The following MS4A12 variants were observed in gnomAD, a reference collection of about 807,000 sequenced individuals.
MS4A12 encodes the protein membrane spanning 4-domains A12, also known as membrane-spanning 4-domains subfamily A member 12.
MS4A12 carries 28 observed loss-of-function variants against 23.7 expected under a neutral mutation model. That is an observed-to-expected ratio of 1.18 (90% CI 0.88 to 1.62). MS4A12 has a LOEUF of 1.62. Ranked by LOEUF, MS4A12 falls within the 40% of genes most tolerant of loss-of-function variation. The pLI is 0.00. For synonymous variants in MS4A12, 108 were observed against 110.1 expected, an observed-to-expected ratio of 0.98 and a Z score of 0.12; for missense variants, 342 against 327.0, an observed-to-expected ratio of 1.05 and a Z score of -0.35.
rs762816400 is a variant in MS4A12, at chr11:60,502,042, A to G, written c.471+3A>G. 3.1e-6 allele frequency: 5 copies of G among 1,608,034 alleles called. No individual in the cohort carries two copies. The Admixed American group carries it at 8.3e-5, about 27-fold the overall frequency. ...CCAAGGAGCTTTCCCGTTGTCTGGTAAGTTAGACTGTCTCTACTTTTTGAA... is the reference window on the plus strand; with the variant it reads ...CCAAGGAGCTTTCCCGTTGTCTGGTGAGTTAGACTGTCTCTACTTTTTGAA... On this transcript the variant is annotated splice_donor_region_variant and intron_variant, in intron 4 of 6. Transcript: ENST00000016913.
At chr11:60,501,270 A>G (rs1565204670) in intron 3 of MS4A12, 88 bp downstream of exon 3, 2 of 1,340,094 alleles carry the variant, frequency 1.5e-6, no homozygotes, top group African/African-American at 1.5e-5. Flanking sequence ...CAGCCAATTC[A>G]CAACTCATTT....
At chr11:60,493,623 A>G (rs1228415826) in intron 1 of MS4A12, among the ~76,000 whole-genome samples, 2 of 152,228 alleles carry the variant, frequency 1.3e-5, no homozygotes, top group African/African-American at 4.8e-5. Context: ...GTAGGGAAAG[A>G]ACATTCATTT....
At chr11:60,498,509 A>G (rs535241941) in intron 2 of MS4A12, among the ~76,000 whole-genome samples, 1 of 152,268 alleles carries the variant, frequency 6.6e-6, no homozygotes, top group South Asian at 2.1e-4. Context: ...TAATAAGCCA[A>G]TGGGACAAAC....
intron 3 of MS4A12, 61 bp downstream of exon 3, chr11:60,501,243 T>C: frequency 6.7e-7 from 1 of 1,485,706 alleles, no homozygotes; most frequent in Non-Finnish European, 9.0e-7. Context: ...TCTTGGTTTA[T>C]AAAGTATTGC....
intron 2 of MS4A12, among the ~76,000 whole-genome samples, chr11:60,498,710 G>A (rs541239081): frequency 6.6e-6 from 1 of 152,294 alleles, no homozygotes; most frequent in South Asian, 2.1e-4. Flanking sequence ...GTGTAAAAGG[G>A]CTAAAAAGTA....
intron 1 of MS4A12, among the ~76,000 whole-genome samples, chr11:60,493,949 C>T (rs2135224408): frequency 6.6e-6 from 1 of 152,094 alleles, no homozygotes; most frequent in Non-Finnish European, 1.5e-5. Context: ...GTTCCTTGTT[C>T]TTAAAAATAA....
In MS4A12 at chr11:60,497,323, T is replaced by C. The variant is rs1466963594; in HGVS notation, c.5T>C (p.Met2Thr). Residue 2 changes from methionine (M) to threonine (T), a missense_variant, in exon 2 of 7, where the codon ATG becomes ACG. Coordinates refer to ENST00000016913, the MANE Select transcript of MS4A12 (RefSeq NM_017716.3). ...TTTTGTGATACTTAGGACATAATGATGTCATCCAAGCCAACAAGCCATGCT... is the reference window on the plus strand; with the variant it reads ...TTTTGTGATACTTAGGACATAATGACGTCATCCAAGCCAACAAGCCATGCT... Reference protein sequence around the residue: MMSSKPTSHAEV... With the variant: MTSSKPTSHAEV... The C allele has an allele frequency of 3.7e-6, 6 of 1,612,386 alleles. No homozygotes were observed. The highest frequency in any genetic ancestry group is 5.1e-6 in the Non-Finnish European group (6 of 1,179,206).
At chr11:60,502,320 C>T (rs984709930) in intron 4 of MS4A12, among the ~76,000 whole-genome samples, 2 of 152,188 alleles carry the variant, frequency 1.3e-5, no homozygotes, top group Non-Finnish European at 2.9e-5. Context: ...CTCCCTGGTT[C>T]AGTCTGGTCA....
chr11:60,494,277 A>C (rs2086471642), intron 1 of MS4A12, among the ~76,000 whole-genome samples: 1 of 152,240 alleles, frequency 6.6e-6, no homozygotes. Context: ...TACAGATCTT[A>C]GTCCAGAAAC....
rs1396800822 is a variant in MS4A12, at chr11:60,506,833, A to G, written c.694A>G (p.Asn232Asp). 6.2e-7 allele frequency: 1 copy of G among 1,611,374 alleles called. No homozygotes were observed. Among genetic ancestry groups the G allele is most frequent in the Non-Finnish European group, 8.5e-7 (1 of 1,177,482 alleles). ...HFANQANTTT[N>D]MSVLVIPNMY... ...TGCCAACCAAGCAAACACCACAACC[A>G]ATATGGTGAGTTGGGTCTCTTCTTT... is the stretch of plus-strand genomic sequence containing the variant. The change falls in exon 6 of 7, where the codon AAT becomes GAT. Residue 232 changes from asparagine (N) to aspartate (D), a missense_variant. Physicochemically the swap from Asn to Asp is conservative, Grantham distance 23 (BLOSUM62 1). Coordinates refer to ENST00000016913, the MANE Select transcript of MS4A12 (RefSeq NM_017716.3).
chr11:60,495,206 GT>G (rs2135225674), intron 1 of MS4A12, among the ~76,000 whole-genome samples: 1 of 149,328 alleles, frequency 6.7e-6, no homozygotes, highest in Admixed American at 6.7e-5. Flanking sequence ...GTTTCACCAT[GT>G]TAGCCAGGAT....
intron 4 of MS4A12, among the ~76,000 whole-genome samples, chr11:60,502,262 A>G (rs965771693): frequency 7.2e-5 from 11 of 152,206 alleles, no homozygotes; most frequent in Non-Finnish European, 1.6e-4. Flanking sequence ...GAATTCACAA[A>G]GGTGAGAAGT....
At chr11:60,497,731 C>T in intron 2 of MS4A12, 137 bp downstream of exon 2, 2 of 1,007,782 alleles carry the variant, frequency 2.0e-6, no homozygotes, top group Non-Finnish European at 2.9e-6. Flanking sequence ...AATATTTAGT[C>T]TGCCTATAGA....
At chr11:60,496,821 T>A (rs1241978696) in intron 1 of MS4A12, among the ~76,000 whole-genome samples, 1 of 152,204 alleles carries the variant, frequency 6.6e-6, no homozygotes, top group East Asian at 1.9e-4. Flanking sequence ...TTCATCCAGC[T>A]TCTAGAGGCG....
At chr11:60,498,838 A>G (rs537835272) in intron 2 of MS4A12, among the ~76,000 whole-genome samples, 50 of 152,262 alleles carry the variant, frequency 3.3e-4, no homozygotes, top group South Asian at 4.1e-4. Context: ...GGAAAGAGAA[A>G]ACAACCAGTG....
At chr11:60,503,224 GT>G (rs2086544268) in intron 4 of MS4A12, among the ~76,000 whole-genome samples, 1 of 152,140 alleles carries the variant, frequency 6.6e-6, no homozygotes, top group Middle Eastern at 3.4e-3. Context: ...GAGACTTAGG[GT>G]TTTCATTAAT....
At chr11:60,505,801 C>A (rs1352439810) in intron 5 of MS4A12, among the ~76,000 whole-genome samples, 1 of 152,142 alleles carries the variant, frequency 6.6e-6, no homozygotes, top group Non-Finnish European at 1.5e-5. Context: ...CCTCAGGAGA[C>A]AGAAGAAAGG....
chr11:60,494,043 A>T (rs1189648264), intron 1 of MS4A12, among the ~76,000 whole-genome samples: 1 of 152,220 alleles, frequency 6.6e-6, no homozygotes, highest in African/African-American at 2.4e-5. Context: ...CAATCCTACT[A>T]AGTCAATAGG....
At chr11:60,504,890 T>C (rs942343314) in intron 5 of MS4A12, among the ~76,000 whole-genome samples, 6 of 152,096 alleles carry the variant, frequency 3.9e-5, no homozygotes, top group African/African-American at 1.4e-4. Flanking sequence ...AGTATGTTCT[T>C]TGAAGTGTCA....
Sources: allele counts gnomAD v4.1 joint callset (sites outside exome capture counted in the v4.1 genomes callset), GRCh38; gene constraint gnomAD v4.1.1; transcripts MANE v1.5; gene names NCBI Gene and HGNC (gene_info 2026-07-23, HGNC 2026-07-21).